The following LAMA2 variants were observed in gnomAD, a reference collection of about 807,000 sequenced individuals.
The protein encoded by LAMA2 is laminin subunit alpha-2.
Under a neutral mutation model 364.8 loss-of-function variants are expected in LAMA2, and 269 were observed. That is an observed-to-expected ratio of 0.74 (90% CI 0.67 to 0.82). The LOEUF (loss-of-function observed/expected upper bound fraction) is 0.82. Ranked by LOEUF, LAMA2 falls within the 40% of genes least tolerant of loss-of-function variation. The pLI, the probability that LAMA2 is intolerant of heterozygous loss-of-function variation, is 0.00. For missense variants in LAMA2, 3,807 were observed against 3,873.2 expected, an observed-to-expected ratio of 0.98 and a Z score of 0.45; for synonymous variants, 1,379 against 1,370.6, an observed-to-expected ratio of 1.01 and a Z score of -0.14.
intron 42 of LAMA2, 52 bp downstream of exon 42, chr6:129,438,814 A>G (rs753160723): frequency 2.2e-6 from 2 of 902,918 alleles, no homozygotes; most frequent in Non-Finnish European, 3.8e-6. Flanking sequence ...AGTTTTGAAG[A>G]CTGTTGTTAA....
chr6:129,031,501 C>A (rs1388191265), intron 1 of LAMA2, among the ~76,000 whole-genome samples: 1 of 152,078 alleles, frequency 6.6e-6, no homozygotes, highest in Non-Finnish European at 1.5e-5. Context: ...CAAAGTGACT[C>A]ACGAAAAGAC....
chr6:129,134,979 C>T (rs970736339), intron 4 of LAMA2, among the ~76,000 whole-genome samples: 5 of 152,192 alleles, frequency 3.3e-5, no homozygotes, highest in African/African-American at 1.2e-4. Context: ...TCTAATCTGC[C>T]TCACTCCTGC....
At chr6:128,970,270 C>T (rs780427938) in intron 1 of LAMA2, among the ~76,000 whole-genome samples, 5 of 152,086 alleles carry the variant, frequency 3.3e-5, no homozygotes, top group East Asian at 1.9e-4. Flanking sequence ...ACTTTTATTA[C>T]GTGACAAGGT....
intron 41 of LAMA2, among the ~76,000 whole-genome samples, chr6:129,438,146 T>C (rs73775403): frequency 0.012 from 1,885 of 151,838 alleles, 46 homozygotes; most frequent in African/African-American, 0.043. Flanking sequence ...ATGTTGTTTT[T>C]CCATTTCTTT....
At chr6:129,140,930 G>A (rs1241676120) in intron 4 of LAMA2, among the ~76,000 whole-genome samples, 1 of 151,954 alleles carries the variant, frequency 6.6e-6, no homozygotes, top group Non-Finnish European at 1.5e-5. Flanking sequence ...CTATCACACG[G>A]TTTATTAACC....
At position 129,309,902 on chromosome 6, in the gene LAMA2, A is replaced by ATTTTTTTTTT. The variant is rs993652081; in HGVS notation, c.3175-2953_3175-2944dup. ...AGAAATAAAGCTAATCCTGATAATCATTTTTTTTTTTTTTTGAGACGGAGT... is the reference window on the plus strand; with the variant it reads ...AGAAATAAAGCTAATCCTGATAATCATTTTTTTTTTTTTTTTTTTTTTTTTGAGACGGAGT... On this transcript the variant is annotated intron_variant, in intron 22 of 64. Coordinates refer to ENST00000421865, the MANE Select transcript of LAMA2 (RefSeq NM_000426.4). 1.0e-4 allele frequency among the ~76,000 whole-genome samples: 14 copies of ATTTTTTTTTT among 135,770 alleles called. 1 individual carries two copies. The highest frequency in any genetic ancestry group is 2.3e-4 in the Admixed American group (3 of 13,032). 89.1% of individuals were successfully genotyped at this position (135,770 alleles called of 152,430 possible).
At chr6:129,343,419 G>A (rs1358589773) in intron 30 of LAMA2, among the ~76,000 whole-genome samples, 1 of 151,846 alleles carries the variant, frequency 6.6e-6, no homozygotes, top group Non-Finnish European at 1.5e-5. Flanking sequence ...CCTCTTTTTT[G>A]TTGGCTGGAA....
At chr6:129,406,493 A>G (rs1395528968) in intron 40 of LAMA2, among the ~76,000 whole-genome samples, 1 of 152,208 alleles carries the variant, frequency 6.6e-6, no homozygotes, top group Non-Finnish European at 1.5e-5. Flanking sequence ...CCAAGAAAAT[A>G]TCTCATTTAG....
chr6:129,038,653 T>C (rs1055668401), intron 1 of LAMA2, among the ~76,000 whole-genome samples: 5 of 152,222 alleles, frequency 3.3e-5, no homozygotes, highest in African/African-American at 1.2e-4. Flanking sequence ...CTTATCTCTC[T>C]AGTCTGTGCT....
chr6:129,318,577 CAA>C (rs1774760875), intron 27 of LAMA2, among the ~76,000 whole-genome samples: 1 of 152,112 alleles, frequency 6.6e-6, no homozygotes, highest in African/African-American at 2.4e-5. Flanking sequence ...GATGCCAATG[CAA>C]AGTTACCTTC....
intron 9 of LAMA2, among the ~76,000 whole-genome samples, chr6:129,172,860 G>A (rs568172942): frequency 6.6e-6 from 1 of 152,360 alleles, no homozygotes; most frequent in East Asian, 1.9e-4. Flanking sequence ...CCAGGTGCAG[G>A]ATATAATCTC....
At chr6:129,102,291 C>T (rs889116047) in intron 4 of LAMA2, among the ~76,000 whole-genome samples, 5 of 151,838 alleles carry the variant, frequency 3.3e-5, no homozygotes, top group Admixed American at 6.6e-5. Flanking sequence ...CGCGTGCCAC[C>T]ATGTCCACTT....
intron 9 of LAMA2, among the ~76,000 whole-genome samples, chr6:129,172,225 C>T (rs1261904490): frequency 1.6e-4 from 25 of 152,174 alleles, no homozygotes; most frequent in African/African-American, 3.9e-4. Context: ...TGAGGAACTG[C>T]GTTCCTTTGG....
chr6:129,497,276 C>G (rs1413027538), intron 58 of LAMA2, among the ~76,000 whole-genome samples: 1 of 151,874 alleles, frequency 6.6e-6, no homozygotes, highest in Non-Finnish European at 1.5e-5. Context: ...CTTGCTCTGT[C>G]ACCCAGGCTG....
At chr6:129,205,493 TACAC>T (rs767013359) in intron 12 of LAMA2, among the ~76,000 whole-genome samples, 3,869 of 104,148 alleles carry the variant, frequency 0.037, 117 homozygotes, top group South Asian at 0.055. Context: ...TATATATATA[TACAC>T]ACACACACAC....
At chr6:128,939,714 A>G (rs1780043793) in intron 1 of LAMA2, among the ~76,000 whole-genome samples, 1 of 152,140 alleles carries the variant, frequency 6.6e-6, no homozygotes, top group Admixed American at 6.6e-5. Context: ...ATGCTCAAGG[A>G]GCTTGAGTAG....
intron 1 of LAMA2, among the ~76,000 whole-genome samples, chr6:129,037,555 G>C (rs1345919926): frequency 6.6e-6 from 1 of 152,068 alleles, no homozygotes; most frequent in Non-Finnish European, 1.5e-5. Context: ...ACATGTGTGT[G>C]TATGTGTGTG....
intron 1 of LAMA2, among the ~76,000 whole-genome samples, chr6:128,974,853 A>ATTTT (rs34727721): frequency 3.1e-4 from 44 of 143,122 alleles, no homozygotes; most frequent in African/African-American, 1.0e-3. Context: ...ATGAGTAACA[A>ATTTT]TTTTTTTTTT....
chr6:129,098,350 G>A lies in LAMA2; in HGVS notation c.574G>A (p.Ala192Thr), dbSNP rs1309547660. 3 of 1,613,974 alleles carry A rather than the reference G, an allele frequency of 1.9e-6. No individual in the cohort carries two copies. Among genetic ancestry groups the A allele is most frequent in the South Asian group, 1.1e-5 (1 of 91,080 alleles). The change falls in exon 4 of 65, where the codon GCC becomes ACC. Residue 192 changes from alanine to threonine, a missense_variant. Ala to Thr is a moderately conservative substitution (Grantham distance 58, BLOSUM62 0). Coordinates refer to ENST00000421865, the MANE Select transcript of LAMA2 (RefSeq NM_000426.4). ...IYPRTGPPSY[A>T]KDDEVICTSF... ...TCCCCGCACTGGGCCACCGTCATAT[G>A]CCAAAGATGATGAGGTCATCTGCAC...
Sources: gnomAD v4.1 joint callset for allele counts (sites outside exome capture counted in the v4.1 genomes callset) on GRCh38, gnomAD v4.1.1 for gene constraint, MANE v1.5 for transcripts, NCBI Gene and HGNC (gene_info 2026-07-23, HGNC 2026-07-21) for gene names.